The following TBCK variants were observed in gnomAD, a reference collection of about 807,000 sequenced individuals.
The protein encoded by TBCK is TBC domain-containing protein kinase-like protein.
A neutral mutation model predicts 113.4 loss-of-function variants in TBCK; 99 were observed. The ratio of observed to expected loss-of-function variants is 0.87; its 90% CI spans 0.74 to 1.03. The LOEUF is 1.03. Among genes scored for constraint, TBCK ranks in the 50% least tolerant of loss-of-function variants. TBCK has a pLI of 0.00. For missense variants in TBCK, 1,045 were observed against 1,061.3 expected (o/e 0.98, Z 0.21); for synonymous variants, 369 against 370.8 (o/e 1.00, Z 0.05).
chr4:106,110,897 T>C (rs1432966234), intron 24 of TBCK, among the ~76,000 whole-genome samples: 1 of 152,084 alleles, frequency 6.6e-6, no homozygotes, highest in African/African-American at 2.4e-5. Flanking sequence ...AGGGATATGC[T>C]GTCTTACGCA....
chr4:106,127,771 C>T (rs553257657), intron 23 of TBCK, among the ~76,000 whole-genome samples: 13 of 152,096 alleles, frequency 8.5e-5, no homozygotes, highest in South Asian at 4.1e-4. Flanking sequence ...CAAATGATTA[C>T]GCTGAAGAAA....
At chr4:106,196,022 A>G (rs774593688) in intron 20 of TBCK, among the ~76,000 whole-genome samples, 8 of 152,090 alleles carry the variant, frequency 5.3e-5, no homozygotes, top group Non-Finnish European at 8.8e-5. Flanking sequence ...AAATGTCTCA[A>G]TAAAAGGTAT....
intron 2 of TBCK, among the ~76,000 whole-genome samples, chr4:106,305,769 A>C (rs1046020573): frequency 6.6e-6 from 1 of 152,276 alleles, no homozygotes; most frequent in South Asian, 2.1e-4. Flanking sequence ...TGCAGTGAAG[A>C]AGCTAGCTAA....
intron 3 of TBCK, among the ~76,000 whole-genome samples, chr4:106,263,904 G>A (rs73838183): frequency 0.018 from 2,775 of 151,930 alleles, 79 homozygotes; most frequent in African/African-American, 0.061. Context: ...TATAATTGAC[G>A]TATTTTCACA....
intron 22 of TBCK, among the ~76,000 whole-genome samples, chr4:106,187,000 T>A (rs1408901744): frequency 6.6e-6 from 1 of 152,178 alleles, no homozygotes; most frequent in Non-Finnish European, 1.5e-5. Flanking sequence ...AGGGAATCCT[T>A]TCCTCACTGC....
At position 106,233,661 on chromosome 4, in the gene TBCK, TAAAAG is replaced by T. The variant is rs1221779157; in HGVS notation, c.1450-16_1450-12del. The T allele has an allele frequency of 1.3e-6, 2 of 1,586,224 alleles. No homozygotes were observed. The highest frequency in any genetic ancestry group is 4.5e-5 in the East Asian group (2 of 44,252). ...GGCATGAATAGCTCCCTGCAAAAAA[TAAAAG>T]AAGATATATTAATTTATCATATCCT... On this transcript the variant is annotated splice_polypyrimidine_tract_variant and intron_variant, in intron 15 of 25. Coordinates refer to ENST00000394708, the MANE Select transcript of TBCK (RefSeq NM_001163435.3).
chr4:106,186,035 A>G (rs1341623019), intron 22 of TBCK, among the ~76,000 whole-genome samples: 1 of 152,116 alleles, frequency 6.6e-6, no homozygotes, highest in Non-Finnish European at 1.5e-5. Context: ...TTCCAGCTCC[A>G]TCCATATTGC....
intron 3 of TBCK, among the ~76,000 whole-genome samples, chr4:106,267,503 A>G (rs1229324731): frequency 6.6e-6 from 1 of 152,004 alleles, no homozygotes; most frequent in African/African-American, 2.4e-5. Context: ...AACTAAGCAG[A>G]TAAGAATTAT....
At chr4:106,253,658 T>A (rs1240267633) in intron 5 of TBCK, among the ~76,000 whole-genome samples, 1 of 152,220 alleles carries the variant, frequency 6.6e-6, no homozygotes, top group African/African-American at 2.4e-5. Flanking sequence ...GTATATAAAA[T>A]CTATTGTGGT....
intron 12 of TBCK, among the ~76,000 whole-genome samples, chr4:106,238,331 T>C (rs1257386790): frequency 6.6e-6 from 1 of 152,092 alleles, no homozygotes; most frequent in Non-Finnish European, 1.5e-5. Flanking sequence ...AGACAAGAGA[T>C]TCTAATACTC....
At chr4:106,155,172 A>G (rs993534815) in intron 23 of TBCK, among the ~76,000 whole-genome samples, 26 of 151,058 alleles carry the variant, frequency 1.7e-4, no homozygotes, top group African/African-American at 6.1e-4. Context: ...CACTTTAAAT[A>G]TGTCATGCCA....
intron 25 of TBCK, among the ~76,000 whole-genome samples, chr4:106,067,613 G>C (rs1736802186): frequency 6.6e-6 from 1 of 151,958 alleles, no homozygotes; most frequent in Admixed American, 6.6e-5. Context: ...TCCTCTAAGA[G>C]TTTTATAGTT....
chr4:106,148,422 T>C (rs867322346), intron 23 of TBCK, among the ~76,000 whole-genome samples: 45 of 152,194 alleles, frequency 3.0e-4, no homozygotes, highest in African/African-American at 1.1e-3. Flanking sequence ...TGTCCCTTTA[T>C]TTCTCAAACC....
At chr4:106,116,458 T>C in intron 23 of TBCK, 80 bp from the exon 24 acceptor site, 4 of 1,102,916 alleles carry the variant, frequency 3.6e-6, no homozygotes, top group Non-Finnish European at 1.3e-6. Flanking sequence ...AATATCTTGA[T>C]ACCAAACAAT....
intron 3 of TBCK, among the ~76,000 whole-genome samples, chr4:106,290,307 A>T (rs1765560122): frequency 6.6e-6 from 1 of 151,960 alleles, no homozygotes; most frequent in South Asian, 2.1e-4. Flanking sequence ...CCTCCTGGGT[A>T]GCTGGGACTA....
chr4:106,300,368 G>C (rs1766811766), intron 2 of TBCK, among the ~76,000 whole-genome samples: 1 of 152,144 alleles, frequency 6.6e-6, no homozygotes, highest in Non-Finnish European at 1.5e-5. Flanking sequence ...TAAGGAGTAG[G>C]GGGAAGTAAA....
At chr4:106,190,046 T>C (rs1375110071) in intron 22 of TBCK, among the ~76,000 whole-genome samples, 1 of 152,222 alleles carries the variant, frequency 6.6e-6, no homozygotes, top group Non-Finnish European at 1.5e-5. Context: ...CTCCTATTGT[T>C]TTCTGCAGTA....
intron 23 of TBCK, among the ~76,000 whole-genome samples, chr4:106,155,167 T>C (rs1748981585): frequency 6.6e-6 from 1 of 152,036 alleles, no homozygotes; most frequent in African/African-American, 2.4e-5. Flanking sequence ...TTCAGCACTT[T>C]AAATATGTCA....
In TBCK at chr4:106,193,784, A is replaced by C. The variant is rs758415047; in HGVS notation, c.1898-14T>G. On this transcript the variant is annotated splice_polypyrimidine_tract_variant and intron_variant, in intron 21 of 25. Coordinates refer to ENST00000394708, the MANE Select transcript of TBCK (RefSeq NM_001163435.3). ...GTGGAAATACATCTGTAAAACGATA[A>C]AAATACAAATAAATTAAAAAACCAA... 2.0e-6 allele frequency: 3 copies of C among 1,502,320 alleles called. No individual in the cohort carries two copies. The highest frequency in any genetic ancestry group is 2.7e-6 in the Non-Finnish European group (3 of 1,124,104). The allele number at this position is 1,502,320 out of a possible 1,614,324, so 93.1% of individuals were successfully genotyped here. A position where few individuals can be genotyped will look rare whatever the true frequency, so the allele number is the denominator to read the frequency against.
Sources: gnomAD v4.1 joint callset for allele counts (sites outside exome capture counted in the v4.1 genomes callset) on GRCh38, gnomAD v4.1.1 for gene constraint, MANE v1.5 for transcripts, NCBI Gene and HGNC (gene_info 2026-07-23, HGNC 2026-07-21) for gene names.